ZCCHC7: variants seen among roughly 807,000 people sequenced by gnomAD.
ZCCHC7 encodes zinc finger CCHC-type containing 7, also known as zinc finger CCHC domain-containing protein 7.
In ZCCHC7, 35 loss-of-function variants were observed where a neutral mutation model predicts 52.0. The ratio of observed to expected loss-of-function variants is 0.67; its 90% confidence interval spans 0.51 to 0.89. The LOEUF is 0.89. ZCCHC7 is among the 40% of genes least tolerant of loss of function. The pLI, the probability that ZCCHC7 is intolerant of heterozygous loss-of-function variation, is 0.00. For synonymous variants in ZCCHC7, 217 were observed against 221.5 expected (o/e 0.98, Z 0.18); for missense variants, 574 against 649.1 (o/e 0.88, Z 1.26).
chr9:37,163,030 G>A (rs573003357), intron 2 of ZCCHC7, among the ~76,000 whole-genome samples: 3 of 152,064 alleles, frequency 2.0e-5, no homozygotes, highest in South Asian at 4.2e-4. Flanking sequence ...GTGAAACCTC[G>A]TCTCTACTAA....
chr9:37,151,057 C>T (rs893187345), intron 2 of ZCCHC7, among the ~76,000 whole-genome samples: 5 of 151,298 alleles, frequency 3.3e-5, no homozygotes, highest in East Asian at 1.9e-4. Flanking sequence ...CTCCGCCTCC[C>T]GGGTTTACGC....
intron 2 of ZCCHC7, among the ~76,000 whole-genome samples, chr9:37,300,431 T>G (rs1211131177): frequency 6.6e-6 from 1 of 152,230 alleles, no homozygotes; most frequent in Admixed American, 6.5e-5. Flanking sequence ...GATGAAGGAA[T>G]AGAAGCTGCT....
chr9:37,289,608 C>G (rs1441279887), intron 2 of ZCCHC7, among the ~76,000 whole-genome samples: 11 of 152,166 alleles, frequency 7.2e-5, no homozygotes, highest in Admixed American at 7.2e-4. Flanking sequence ...TAACTGATCT[C>G]CTTGCTTCTA....
At chr9:37,339,197 CTT>C (rs1185290222) in intron 6 of ZCCHC7, among the ~76,000 whole-genome samples, 5 of 152,192 alleles carry the variant, frequency 3.3e-5, no homozygotes, top group Non-Finnish European at 7.3e-5. Context: ...AAACAGCACT[CTT>C]TTAAAATAAT....
At chr9:37,311,968 G>A (rs1483447395) in intron 5 of ZCCHC7, among the ~76,000 whole-genome samples, 1 of 152,150 alleles carries the variant, frequency 6.6e-6, no homozygotes, top group Non-Finnish European at 1.5e-5. Flanking sequence ...TTTCATACTT[G>A]TCAAATCCAG....
chr9:37,286,801 T>TC (rs1307745553), intron 2 of ZCCHC7, among the ~76,000 whole-genome samples: 6 of 38,520 alleles, frequency 1.6e-4, no homozygotes, highest in Middle Eastern at 0.018. Context: ...CCTCCCTCCC[T>TC]CCCCCCCGTT....
At position 37,305,490 on chromosome 9, in the gene ZCCHC7, C is replaced by T; in HGVS notation, c.781-54C>T. The T allele has an allele frequency of 2.5e-6, 4 of 1,590,358 alleles. No individual in the cohort carries two copies. In the South Asian group the frequency reaches 4.5e-5, roughly 18 times the overall value. ...ATGGGATTATATTGAAAAACAAATACTAATCTTCTACCTTTTGAGACTGAA... is the reference window on the plus strand; with the variant it reads ...ATGGGATTATATTGAAAAACAAATATTAATCTTCTACCTTTTGAGACTGAA... On this transcript the variant is annotated intron_variant, in intron 4 of 8. Coordinates refer to ENST00000336755, the MANE Select transcript of ZCCHC7 (RefSeq NM_032226.3).
At chr9:37,280,592 G>C (rs1214297671) in intron 2 of ZCCHC7, among the ~76,000 whole-genome samples, 1 of 142,270 alleles carries the variant, frequency 7.0e-6, no homozygotes, top group Non-Finnish European at 1.5e-5. Flanking sequence ...GATCACAATA[G>C]AATTAGAAAT....
intron 2 of ZCCHC7, among the ~76,000 whole-genome samples, chr9:37,150,262 T>G (rs1228304880): frequency 2.0e-5 from 3 of 152,222 alleles, no homozygotes; most frequent in Admixed American, 1.3e-4. Context: ...CTTCTAGATG[T>G]TGAATCCGTA....
At chr9:37,309,246 A>C (rs1588649487) in intron 5 of ZCCHC7, among the ~76,000 whole-genome samples, 1 of 152,122 alleles carries the variant, frequency 6.6e-6, no homozygotes, top group South Asian at 2.1e-4. Flanking sequence ...TAGTCCTTCC[A>C]CCACCCCAGA....
At chr9:37,226,237 A>T (rs992215554) in intron 2 of ZCCHC7, among the ~76,000 whole-genome samples, 1 of 152,234 alleles carries the variant, frequency 6.6e-6, no homozygotes, top group Admixed American at 6.5e-5. Flanking sequence ...CATAGCAAAA[A>T]TGTATAACAC....
At chr9:37,144,649 C>G (rs1206351099) in intron 2 of ZCCHC7, among the ~76,000 whole-genome samples, 1 of 151,892 alleles carries the variant, frequency 6.6e-6, no homozygotes, top group African/African-American at 2.4e-5. Context: ...GTGTTACTGC[C>G]TTGATACGTT....
chr9:37,209,278 G>T (rs1824085209), intron 2 of ZCCHC7, among the ~76,000 whole-genome samples: 1 of 151,888 alleles, frequency 6.6e-6, no homozygotes, highest in Non-Finnish European at 1.5e-5. Flanking sequence ...CTGACCTTGT[G>T]ATCTGCCCAC....
intron 5 of ZCCHC7, chr9:37,322,513 T>C (rs1271574067): frequency 2.6e-5 from 4 of 152,044 alleles, no homozygotes; most frequent in African/African-American, 9.7e-5. Flanking sequence ...CTTTTCTTTT[T>C]CATCAATGAC....
intron 2 of ZCCHC7, among the ~76,000 whole-genome samples, chr9:37,287,174 C>T (rs1424931146): frequency 2.7e-5 from 4 of 148,608 alleles, no homozygotes; most frequent in Non-Finnish European, 5.9e-5. Context: ...GGACTACAGG[C>T]ATGAGCCACC....
At chr9:37,225,683 A>C (rs904864801) in intron 2 of ZCCHC7, among the ~76,000 whole-genome samples, 2 of 152,242 alleles carry the variant, frequency 1.3e-5, no homozygotes, top group Non-Finnish European at 2.9e-5. Flanking sequence ...AACAGGAAAA[A>C]AATGTTTTCC....
chr9:37,189,600 C>G (rs376063980), intron 2 of ZCCHC7, among the ~76,000 whole-genome samples: 12 of 152,270 alleles, frequency 7.9e-5, no homozygotes, highest in African/African-American at 2.9e-4. Context: ...GTTGACCAGG[C>G]TGGTCTCGAA....
intron 2 of ZCCHC7, among the ~76,000 whole-genome samples, chr9:37,228,965 A>G (rs1406081043): frequency 6.6e-6 from 1 of 150,858 alleles, no homozygotes; most frequent in Non-Finnish European, 1.5e-5. Context: ...CCTCTCGAGT[A>G]GCTGGGACTA....
intron 2 of ZCCHC7, among the ~76,000 whole-genome samples, chr9:37,137,310 AAAGG>A (rs1436718093): frequency 6.6e-6 from 1 of 152,214 alleles, no homozygotes; most frequent in Non-Finnish European, 1.5e-5. Context: ...ACTGAATTGA[AAAGG>A]AACCCTTTGA....
Sources: allele counts gnomAD v4.1 joint callset (sites outside exome capture counted in the v4.1 genomes callset), GRCh38; gene constraint gnomAD v4.1.1; transcripts MANE v1.5; gene names NCBI Gene and HGNC (gene_info 2026-07-23, HGNC 2026-07-21).